Variants in OFD1 observed in about 807,000 individuals in gnomAD.
OFD1 encodes centriole and centriolar satellite protein OFD1.
OFD1 carries 12 observed loss-of-function variants against 81.4 expected under a neutral mutation model. The observed-to-expected ratio is 0.15, with a 90% CI of 0.09 to 0.24. OFD1 has a LOEUF of 0.24. Among genes scored for constraint, OFD1 ranks in the 10% least tolerant of loss-of-function variants. OFD1 has a pLI of 1.00. For missense variants in OFD1, 685 were observed against 733.9 expected (o/e 0.93, Z 0.77); for synonymous variants, 256 against 263.7 (o/e 0.97, Z 0.28).
At chrX:13,759,385 A>G (rs2047839106) in intron 15 of OFD1, among the ~76,000 whole-genome samples, 1 of 112,645 alleles carries the variant, frequency 8.9e-6, no homozygotes, top group Non-Finnish European at 1.9e-5. Context: ...GAATGAGGAT[A>G]GAACTCTTTC....
intron 4 of OFD1, 36 bp downstream of exon 4, chrX:13,738,950 T>A: frequency 3.4e-6 from 4 of 1,177,320 alleles, no homozygotes; most frequent in Non-Finnish European, 4.6e-6. Flanking sequence ...TACTTTGGTT[T>A]GTTAATTATA....
intron 13 of OFD1, 40 bp downstream of exon 13, chrX:13,756,807 A>T: frequency 1.0e-6 from 1 of 1,000,425 alleles, no homozygotes; most frequent in Non-Finnish European, 1.4e-6. Context: ...GTGTTTTAGT[A>T]ATTCGCATTA....
chrX:13,733,206 C>A (rs1013319203), upstream of OFD1, among the ~76,000 whole-genome samples: 1 of 110,662 alleles, frequency 9.0e-6, no homozygotes, highest in Middle Eastern at 4.6e-3. Context: ...ATATCAACAT[C>A]TTTTTAGAAC....
chrX:13,725,227 C>T, the OFD1 span, among the ~76,000 whole-genome samples: 14 of 113,186 alleles, frequency 1.2e-4, no homozygotes, highest in African/African-American at 3.8e-4. Context: ...CCCTGTCTGA[C>T]AGCTCTGAAG....
upstream of OFD1, among the ~76,000 whole-genome samples, chrX:13,730,379 G>T (rs181394438): frequency 2.7e-5 from 3 of 112,012 alleles, no homozygotes; most frequent in East Asian, 8.3e-4. Flanking sequence ...ACCATCTCAC[G>T]CCAGTTAGAA....
the OFD1 span, chrX:13,714,602 C>T: frequency 2.1e-6 from 1 of 481,609 alleles, no homozygotes; most frequent in Middle Eastern, 3.6e-4. Flanking sequence ...AAACCAAAGA[C>T]ATTCCAAAGT....
the OFD1 span, among the ~76,000 whole-genome samples, chrX:13,719,101 G>C: frequency 1.8e-5 from 2 of 111,422 alleles, no homozygotes; most frequent in South Asian, 7.5e-4. Context: ...AAGTTGCAGT[G>C]AGCTGAGATC....
At chrX:13,716,334 T>C in the OFD1 span, 1 of 564,833 alleles carries the variant, frequency 1.8e-6, no homozygotes, top group Non-Finnish European at 2.8e-6. Context: ...TTTTTGTGTA[T>C]GAGACTTAGT....
At chrX:13,734,707 C>T (rs2046779636), upstream of OFD1, 1 of 981,924 alleles carries the variant, frequency 1.0e-6, no homozygotes, top group Non-Finnish European at 1.3e-6. Context: ...AGCTCTTCAG[C>T]TCGGGAAGGC....
At chrX:13,744,707 C>T (rs1048834428) in intron 6 of OFD1, among the ~76,000 whole-genome samples, 188 bp downstream of exon 6, 1 of 112,120 alleles carries the variant, frequency 8.9e-6, no homozygotes, top group African/African-American at 3.2e-5. Flanking sequence ...ATTCCCTAGC[C>T]TCATGAATGC....
intron 13 of OFD1, among the ~76,000 whole-genome samples, chrX:13,757,257 C>T (rs994922835): frequency 3.6e-5 from 4 of 111,928 alleles, no homozygotes; most frequent in Non-Finnish European, 5.6e-5. Flanking sequence ...CCGTGAGAGC[C>T]ATCTGCCTTC....
At chrX:13,768,253 T>C (rs1555908912) in intron 21 of OFD1, 29 bp downstream of exon 21, 2 of 1,099,069 alleles carry the variant, frequency 1.8e-6, no homozygotes, top group Middle Eastern at 2.4e-4. Flanking sequence ...GGGCAATCTG[T>C]GGGTGGGGGA....
Position 13,760,624 on chromosome X carries a change from G to T in OFD1, c.2164G>T (p.Ala722Ser). The T allele has an allele frequency of 1.7e-6, 2 of 1,211,537 alleles. No individual in the cohort carries two copies. Among genetic ancestry groups the T allele is most frequent in the Non-Finnish European group, 2.2e-6 (2 of 895,144 alleles). Residue 722 changes from alanine to serine, a missense_variant, in exon 16 of 23, where the codon GCC (alanine) becomes TCC (serine). Coordinates refer to ENST00000340096, the MANE Select transcript of OFD1 (RefSeq NM_003611.3). ...CGTGGAAGCACTGACAGGCAGTGCA[G>T]CCTCGAGGCTCCGCGGGGGCACTTC... ...DVVEALTGSA[A>S]SRLRGGTSSR...
the OFD1 span, among the ~76,000 whole-genome samples, chrX:13,724,182 G>A: frequency 1.8e-5 from 2 of 110,849 alleles, no homozygotes; most frequent in Non-Finnish European, 3.8e-5. Flanking sequence ...TGTCTTCAGT[G>A]GCTAGGGAAA....
rs2047295756 is a variant in OFD1, at chrX:13,746,299, G to T, written c.518-20G>T. The T allele has an allele frequency of 8.3e-7, 1 of 1,202,369 alleles. No homozygotes were observed. The highest frequency in any genetic ancestry group is 3.0e-5 in the East Asian group (1 of 33,803). ...TGACGATGTTTCTATGTCCTAATTTGATGTGTTATTTTTTAATAGCTGAGA... is the reference window on the plus strand; with the variant it reads ...TGACGATGTTTCTATGTCCTAATTTTATGTGTTATTTTTTAATAGCTGAGA... On this transcript the variant is annotated intron_variant, in intron 6 of 22. Transcript: ENST00000340096.
downstream of OFD1, chrX:13,773,188 T>C (rs1177590913): frequency 5.0e-6 from 2 of 403,921 alleles, no homozygotes; most frequent in Non-Finnish European, 8.3e-6. Context: ...CCTGAAAGCA[T>C]GCTCTACTAG....
intron 17 of OFD1, among the ~76,000 whole-genome samples, chrX:13,761,842 G>C (rs1232872541): frequency 9.3e-6 from 1 of 107,859 alleles, no homozygotes; most frequent in Admixed American, 1.0e-4. Context: ...CTCCAGGCTC[G>C]ATCTCGGGCA....
chrX:13,770,984 ACTATTTCCAC>A (rs1470332654), downstream of OFD1: 1 of 112,693 alleles, frequency 8.9e-6, no homozygotes, highest in Non-Finnish European at 1.9e-5. Context: ...TACATCCACA[ACTATTTCCAC>A]CTAAATAGAT....
chrX:13,734,230 A>G (rs2046754206), upstream of OFD1: 4 of 403,779 alleles, frequency 9.9e-6, no homozygotes. Context: ...TACAATGCAC[A>G]GGACAGCCTC....
Sources: allele counts gnomAD v4.1 joint callset (sites outside exome capture counted in the v4.1 genomes callset), GRCh38; gene constraint gnomAD v4.1.1; transcripts MANE v1.5; gene names NCBI Gene and HGNC (gene_info 2026-07-23, HGNC 2026-07-21).